Variants in CYFIP2 observed in about 807,000 individuals in gnomAD.
CYFIP2 encodes cytoplasmic FMR1 interacting protein 2.
CYFIP2 carries 29 observed loss-of-function variants against 158.7 expected under a neutral mutation model. That is an observed-to-expected ratio of 0.18 (90% CI 0.14 to 0.25). The LOEUF is 0.25. Among genes scored for constraint, CYFIP2 ranks in the 10% least tolerant of loss-of-function variants. The probability of loss-of-function intolerance (pLI) is 1.00; values close to 1 mark genes in which losing one functional copy is unlikely to be tolerated. For missense variants in CYFIP2, 852 were observed against 1,639.5 expected (o/e 0.52, Z 8.29); for synonymous variants, 585 against 617.6 (o/e 0.95, Z 0.78).
At chr5:157,339,869 C>T (rs571366214) in intron 22 of CYFIP2, among the ~76,000 whole-genome samples, 3 of 152,132 alleles carry the variant, frequency 2.0e-5, no homozygotes, top group South Asian at 2.1e-4. Flanking sequence ...TAAAACTAGT[C>T]GGGTGGGAAA....
intron 26 of CYFIP2, among the ~76,000 whole-genome samples, chr5:157,381,505 G>A (rs112643454): frequency 0.041 from 5,275 of 129,446 alleles, 145 homozygotes; most frequent in South Asian, 0.13. Flanking sequence ...TCCAGCCTGG[G>A]CAACAGAATG....
At chr5:157,356,915 A>G (rs922195923) in intron 23 of CYFIP2, among the ~76,000 whole-genome samples, 6 of 152,184 alleles carry the variant, frequency 3.9e-5, no homozygotes, top group African/African-American at 1.4e-4. Flanking sequence ...ATACACTCCC[A>G]GGATTTGCTG....
intron 24 of CYFIP2, among the ~76,000 whole-genome samples, chr5:157,359,814 A>G (rs1345640765): frequency 2.6e-5 from 4 of 152,238 alleles, no homozygotes; most frequent in African/African-American, 9.6e-5. Context: ...GCTAACTCCA[A>G]TTCTTTGGCA....
intron 3 of CYFIP2, among the ~76,000 whole-genome samples, chr5:157,293,010 ATATGTATGTATGTATGTATGTATGTATG>A (rs57500401): frequency 4.2e-5 from 6 of 144,248 alleles, no homozygotes; most frequent in South Asian, 2.2e-4. Context: ...TTGAGCCCAG[ATATGTATGTATGTATGTATGTATGTATG>A]TATGTATGTA....
intron 23 of CYFIP2, among the ~76,000 whole-genome samples, chr5:157,354,497 C>T (rs529632570): frequency 1.2e-3 from 177 of 151,656 alleles, no homozygotes; most frequent in African/African-American, 4.0e-3. Flanking sequence ...GGGTGCCCTT[C>T]GGGGATGAGT....
At chr5:157,328,197 G>A (rs551115827) in intron 19 of CYFIP2, 148 bp downstream of exon 19, 651 of 724,884 alleles carry the variant, frequency 9.0e-4, no homozygotes, top group Non-Finnish European at 1.3e-3. Context: ...GAGATAGAGT[G>A]GAAAGGAAAC....
intron 21 of CYFIP2, 127 bp downstream of exon 21, chr5:157,333,573 A>G (rs1442484362): frequency 8.9e-6 from 12 of 1,353,128 alleles, no homozygotes; most frequent in East Asian, 2.3e-5. Flanking sequence ...TCCCATCTGA[A>G]TGGAGCTGGG....
chr5:157,337,209 A>T (rs192410799), intron 21 of CYFIP2, among the ~76,000 whole-genome samples: 1 of 152,338 alleles, frequency 6.6e-6, no homozygotes, highest in East Asian at 1.9e-4. Context: ...CCCAAGAGAC[A>T]GAATCAGAAA....
intron 21 of CYFIP2, among the ~76,000 whole-genome samples, chr5:157,335,441 C>A (rs1326085955): frequency 6.6e-6 from 1 of 152,158 alleles, no homozygotes; most frequent in African/African-American, 2.4e-5. Flanking sequence ...CCAGGCCCAC[C>A]TAATTTTTGT....
At chr5:157,384,827 C>T in intron 28 of CYFIP2, 1 of 275,634 alleles carries the variant, frequency 3.6e-6, no homozygotes, top group Non-Finnish European at 7.2e-6. Flanking sequence ...GTAATCCCAG[C>T]TACTTGGGAG....
chr5:157,294,806 T>C lies in CYFIP2; in HGVS notation c.231T>C (p.His77=). Residue 77 remains histidine (H), a synonymous_variant, in exon 4 of 31, where the codon CAT becomes CAC. Coordinates refer to ENST00000620254, the MANE Select transcript of CYFIP2 (RefSeq NM_001037333.3). ...AGAATGAGATGCTGGAGGAAGGACA[T>C]GAGTATGCGGTCATGCTGTACACCT... ...SSMNEMLEEG[H]EYAVMLYTWR... is the part of the protein sequence containing the mutation. 1 of 1,611,534 alleles carries C rather than the reference T, an allele frequency of 6.2e-7. No homozygotes were observed. The highest frequency in any genetic ancestry group is 8.5e-7 in the Non-Finnish European group (1 of 1,177,772).
At chr5:157,384,939 CAAAAA>C (rs34749971) in intron 28 of CYFIP2, 3 of 63,890 alleles carry the variant, frequency 4.7e-5, no homozygotes, top group African/African-American at 6.5e-5. Flanking sequence ...GACTCCATCT[CAAAAA>C]AAAAAAAAAA....
chr5:157,360,686 C>G (rs886265548), intron 25 of CYFIP2, among the ~76,000 whole-genome samples: 36 of 152,174 alleles, frequency 2.4e-4, no homozygotes, highest in Admixed American at 2.4e-3. Context: ...CTCAGCACCT[C>G]CAGGAGCTCT....
rs1051351898 is a variant in CYFIP2 at position 157,311,962 on chromosome 5, G to A, written c.1110+181G>A. The stretch of plus-strand genomic sequence containing the variant: ...GCAGACTGGGGTGAATTCTGGTGGT[G>A]CTGCTGCCCTTTGTAAGTTATTCAA... On this transcript the variant is annotated intron_variant, in intron 11 of 30. Coordinates refer to ENST00000620254, the MANE Select transcript of CYFIP2 (RefSeq NM_001037333.3). The surrounding 1 kb of genome is among the most constrained non-coding windows in gnomAD (Gnocchi z 4.7). Among the ~76,000 whole-genome samples the A allele has an allele frequency of 2.4e-4, 37 of 152,234 alleles. 2 individuals carry two copies. The highest frequency in any genetic ancestry group is 2.3e-3 in the Admixed American group (35 of 15,282).
chr5:157,384,257 TA>T (rs1388644692), intron 28 of CYFIP2: 2 of 456,330 alleles, frequency 4.4e-6, no homozygotes, highest in African/African-American at 4.0e-5. Flanking sequence ...GGAAGAGAAA[TA>T]GGGGGAGAGC....
At position 157,271,763 on chromosome 5, in the gene CYFIP2, G is replaced by A. The variant is rs113791158; in HGVS notation, c.-24+5568G>A. ...TTTGTCTTCATACTGAGCCATGTTC[G>A]AGTTGTGGTTTCACATCGATGGAGC... On this transcript the variant is annotated intron_variant, in intron 1 of 30. Transcript: ENST00000620254. Among the ~76,000 whole-genome samples the A allele has an allele frequency of 2.3e-3, 347 of 152,316 alleles. 2 individuals are homozygous for A. The highest frequency in any genetic ancestry group is 8.0e-3 in the African/African-American group (333 of 41,566).
chr5:157,310,523 C>T (rs1447835662), intron 10 of CYFIP2, among the ~76,000 whole-genome samples: 1 of 152,206 alleles, frequency 6.6e-6, no homozygotes, highest in Non-Finnish European at 1.5e-5. Flanking sequence ...GGAGCCTCTG[C>T]GAACAAGTGT....
chr5:157,361,627 T>C lies in CYFIP2; in HGVS notation c.3039+29T>C. On this transcript the variant is annotated intron_variant, in intron 26 of 30. Transcript: ENST00000620254. The surrounding 1 kb of genome is among the most constrained non-coding windows in gnomAD (Gnocchi z 4.4). The stretch of plus-strand genomic sequence containing the variant: ...AGTCCAGAGCCCAAAGGAAGTGGGG[T>C]GTCTCCAGGTTGGAGGGGATGCCAA... The C allele has an allele frequency of 6.2e-7, 1 of 1,613,040 alleles. No homozygotes were observed. The highest frequency in any genetic ancestry group is 8.5e-7 in the Non-Finnish European group (1 of 1,179,526).
chr5:157,328,626 T>A (rs1459844808), intron 19 of CYFIP2, among the ~76,000 whole-genome samples: 1 of 152,092 alleles, frequency 6.6e-6, no homozygotes, highest in Non-Finnish European at 1.5e-5. Context: ...GGCTGGGGAG[T>A]GGGCAGGGCC....
Sources: gnomAD v4.1 joint callset for allele counts (sites outside exome capture counted in the v4.1 genomes callset) on GRCh38, gnomAD v4.1.1 for gene constraint, Gnocchi (gnomAD v3.1) non-coding constraint, MANE v1.5 for transcripts, NCBI Gene and HGNC (gene_info 2026-07-23, HGNC 2026-07-21) for gene names.